The following TNPO1 variants were observed in gnomAD, a reference collection of about 807,000 sequenced individuals.
TNPO1 encodes transportin 1, also known as transportin-1.
TNPO1 carries 8 observed loss-of-function variants against 119.5 expected under a neutral mutation model. The observed-to-expected ratio is 0.07, with a 90% CI of 0.04 to 0.12. TNPO1 has a LOEUF of 0.12. TNPO1 is among the 10% of genes least tolerant of loss of function. The pLI, the probability that TNPO1 is intolerant of heterozygous loss-of-function variation, is 1.00. For missense variants in TNPO1, 576 were observed against 1,089.8 expected, an observed-to-expected ratio of 0.53 and a Z score of 6.64; for synonymous variants, 362 against 363.0, an observed-to-expected ratio of 1.00 and a Z score of 0.03.
rs988206076 is a variant in TNPO1 at position 72,914,140 on chromosome 5, G to A, written c.*5467G>A. The A allele has an allele frequency of 2.0e-5, 3 of 152,538 alleles. No individual in the cohort carries two copies. The highest frequency in any genetic ancestry group is 7.2e-5 in the African/African-American group (3 of 41,440). 9.4% of individuals were successfully genotyped at this position (152,538 alleles called of 1,614,324 possible). ...ATATCCTCCTGCAACTTCTCAAACT[G>A]TACTAAATTGATATTTCTTGAAGTC... is the stretch of plus-strand genomic sequence containing the variant. On this transcript the variant is annotated 3_prime_UTR_variant, in exon 25 of 25. Transcript: ENST00000337273.
intron 1 of TNPO1, among the ~76,000 whole-genome samples, chr5:72,829,464 C>G (rs1245434964): frequency 1.3e-5 from 2 of 152,210 alleles, no homozygotes; most frequent in Non-Finnish European, 2.9e-5. Flanking sequence ...CTGAAAGATT[C>G]AAGTGACATG....
chr5:72,906,297 T>C (rs1440095615), intron 24 of TNPO1, among the ~76,000 whole-genome samples: 1 of 123,496 alleles, frequency 8.1e-6, no homozygotes, highest in East Asian at 2.3e-4. Flanking sequence ...TTTTTTTTTT[T>C]TTTTTTTTTT....
At chr5:72,891,138 C>T (rs62360680) in intron 14 of TNPO1, among the ~76,000 whole-genome samples, 26,437 of 151,824 alleles carry the variant, frequency 0.17, 2,536 homozygotes, top group African/African-American at 0.24. Context: ...CCACCATGCC[C>T]AGCCCCAGAA....
intron 4 of TNPO1, 71 bp from the exon 5 acceptor site, chr5:72,861,737 C>G: frequency 1.2e-5 from 13 of 1,060,948 alleles, no homozygotes; most frequent in Non-Finnish European, 1.9e-5. Context: ...TGTTTGTGCA[C>G]ACAGTTGCTC....
Position 72,839,966 on chromosome 5 carries a change from TCA to T in TNPO1, c.16-8418_16-8417del, listed in dbSNP as rs1370031174. 2.0e-3 allele frequency among the ~76,000 whole-genome samples: 301 copies of T among 152,340 alleles called. 3 individuals carry two copies. Among genetic ancestry groups the T allele is most frequent in the African/African-American group, 7.0e-3 (291 of 41,570 alleles). ...AAATATCTGGGAGGTGTTACTCCTA[TCA>T]GCCTTTTGTTTTCATTAAAAATGAA... On this transcript the variant is annotated intron_variant, in intron 1 of 24. Transcript: ENST00000337273.
At chr5:72,828,359 G>A (rs567797713) in intron 1 of TNPO1, among the ~76,000 whole-genome samples, 11 of 152,278 alleles carry the variant, frequency 7.2e-5, no homozygotes, top group East Asian at 1.9e-4. Context: ...GGGGATGAAC[G>A]GAGTCTAAGC....
chr5:72,882,420 C>T (rs2112417890), intron 9 of TNPO1, 47 bp from the exon 10 acceptor site: 2 of 1,391,596 alleles, frequency 1.4e-6, no homozygotes, highest in East Asian at 2.3e-5. Context: ...ATTAATTATT[C>T]TCTTGAGATC....
Position 72,895,514 on chromosome 5 carries a change from T to C in TNPO1, c.2144-944T>C, listed in dbSNP as rs140916693. 6.6e-5 allele frequency among the ~76,000 whole-genome samples: 10 copies of C among 152,230 alleles called. No individual in the cohort carries two copies. In the East Asian group the frequency reaches 1.9e-3, roughly 29 times the overall value. On this transcript the variant is annotated intron_variant, in intron 18 of 24. Transcript: ENST00000337273. The stretch of plus-strand genomic sequence containing the variant: ...ATGTCTAGTGGGTAGAAGCAAAGGA[T>C]GTTGCTAAACATCTTATAATACAGG...
chr5:72,827,928 A>G (rs1744278195), intron 1 of TNPO1, among the ~76,000 whole-genome samples: 1 of 152,010 alleles, frequency 6.6e-6, no homozygotes, highest in Non-Finnish European at 1.5e-5. Context: ...AAAAAAAAAA[A>G]AAAAGAGTTT....
intron 11 of TNPO1, among the ~76,000 whole-genome samples, chr5:72,883,577 T>G (rs9885319): frequency 0.82 from 124,986 of 152,184 alleles, 51,583 homozygotes; most frequent in Non-Finnish European, 0.86. Context: ...CACGGTTCAT[T>G]TTGTAGCATT....
chr5:72,864,743 G>T (rs1746752406), intron 5 of TNPO1, among the ~76,000 whole-genome samples: 1 of 151,974 alleles, frequency 6.6e-6, no homozygotes, highest in Non-Finnish European at 1.5e-5. Flanking sequence ...AGAGTAGCTG[G>T]GATTACAGGC....
intron 21 of TNPO1, among the ~76,000 whole-genome samples, 198 bp downstream of exon 21, chr5:72,900,279 A>C (rs1015361006): frequency 1.3e-5 from 2 of 152,180 alleles, no homozygotes; most frequent in Admixed American, 6.5e-5. Flanking sequence ...TGTTGTGGCT[A>C]ACGACTAATT....
chr5:72,896,592 TGGCGC>T, intron 19 of TNPO1, 36 bp downstream of exon 19: 1 of 1,548,160 alleles, frequency 6.5e-7, no homozygotes, highest in Non-Finnish European at 8.9e-7. Context: ...GCATAAGGCC[TGGCGC>T]GGTGGCTCAC....
At chr5:72,906,281 T>A (rs1267574184) in intron 24 of TNPO1, among the ~76,000 whole-genome samples, 1 of 61,066 alleles carries the variant, frequency 1.6e-5, no homozygotes, top group African/African-American at 5.8e-5. Flanking sequence ...TTTTCTTTTT[T>A]TTTTTTTTTT....
intron 23 of TNPO1, among the ~76,000 whole-genome samples, chr5:72,904,804 A>G (rs268795): frequency 0.13 from 19,291 of 152,078 alleles, 1,562 homozygotes; most frequent in East Asian, 0.34. Flanking sequence ...TCCCCGCCAC[A>G]CACACAAAAA....
At chr5:72,879,911 G>A (rs141341941) in intron 9 of TNPO1, among the ~76,000 whole-genome samples, 47 of 152,240 alleles carry the variant, frequency 3.1e-4, no homozygotes, top group African/African-American at 1.1e-3. Context: ...TTGTAGGCTG[G>A]GCACAGTGAC....
At position 72,866,564 on chromosome 5, in the gene TNPO1, G is replaced by A. The variant is rs1580422005; in HGVS notation, c.596+835G>A. Reference sequence around the variant, plus strand: ...AGCTCAGGAGTTCAAGACTAGCCTGGGCAACGTGATGAGACCCCATCTGTA... The same window carrying A: ...AGCTCAGGAGTTCAAGACTAGCCTGAGCAACGTGATGAGACCCCATCTGTA... On this transcript the variant is annotated intron_variant, in intron 6 of 24. Transcript: ENST00000337273. 4.6e-5 allele frequency among the ~76,000 whole-genome samples: 7 copies of A among 152,100 alleles called. No individual in the cohort carries two copies. In the South Asian group the frequency reaches 1.5e-3, roughly 32 times the overall value.
In TNPO1 at chr5:72,889,819, A is replaced by G; in HGVS notation, c.1563A>G (p.Thr521=). 1.2e-6 allele frequency: 2 copies of G among 1,612,018 alleles called. No homozygotes were observed. Among genetic ancestry groups the G allele is most frequent in the South Asian group, 1.1e-5 (1 of 90,788 alleles). The change falls in exon 14 of 25, where the codon ACA becomes ACG. Residue 521 remains threonine (T), a synonymous_variant. Coordinates refer to ENST00000337273, the MANE Select transcript of TNPO1 (RefSeq NM_002270.4). ...AFATLEEEAC[T]ELVPYLAYIL... ...CTACCCTAGAAGAGGAGGCTTGTAC[A>G]GAACTTGTTCCTTACCTTGCTTATA...
At chr5:72,844,554 G>C (rs995251672) in intron 1 of TNPO1, among the ~76,000 whole-genome samples, 8 of 152,238 alleles carry the variant, frequency 5.3e-5, no homozygotes, top group South Asian at 4.1e-4. Context: ...TCCATGAAAA[G>C]AAGTTAGATT....
Sources: allele counts gnomAD v4.1 joint callset (sites outside exome capture counted in the v4.1 genomes callset), GRCh38; gene constraint gnomAD v4.1.1; transcripts MANE v1.5; gene names NCBI Gene and HGNC (gene_info 2026-07-23, HGNC 2026-07-21).